Variants in ATP9B observed in about 807,000 individuals in gnomAD.
The protein encoded by ATP9B is probable phospholipid-transporting ATPase IIB.
Under a neutral mutation model 146.1 loss-of-function variants are expected in ATP9B, and 110 were observed. That is an observed-to-expected ratio of 0.75 (90% confidence interval 0.65 to 0.88). ATP9B has a LOEUF of 0.88. ATP9B is among the 40% of genes least tolerant of loss of function. The probability of loss-of-function intolerance (pLI) is 0.00; values close to 1 mark genes in which losing one functional copy is unlikely to be tolerated. For synonymous variants in ATP9B, 604 were observed against 569.7 expected (o/e 1.06, Z -0.86); for missense variants, 1,499 against 1,496.4 (o/e 1.00, Z -0.03).
chr18:79,100,856 CCT>C (rs2075221445), intron 2 of ATP9B, among the ~76,000 whole-genome samples: 1 of 152,110 alleles, frequency 6.6e-6, no homozygotes, highest in African/African-American at 2.4e-5. Flanking sequence ...CAGAAAAACT[CCT>C]GTTTTTAAAA....
rs1381470836 is a variant in ATP9B at position 79,239,271 on chromosome 18, G to A, written c.1108-14110G>A. ...GTGGACCACCGCGTGTGCCCCTTCA[G>A]CCCTCTTATTTCCACCGCTCCACAA... is the stretch of plus-strand genomic sequence containing the variant. On this transcript the variant is annotated intron_variant, in intron 11 of 29. Transcript: ENST00000426216. The surrounding 1 kb of genome is among the most constrained non-coding windows in gnomAD (Gnocchi z 5.1). 6.6e-6 allele frequency among the ~76,000 whole-genome samples: 1 copy of A among 152,218 alleles called. No individual in the cohort carries two copies. Among genetic ancestry groups the A allele is most frequent in the Non-Finnish European group, 1.5e-5 (1 of 68,032 alleles).
In ATP9B at chr18:79,111,164, A is replaced by G. The variant is rs748468411; in HGVS notation, c.444+659A>G. 6.6e-5 allele frequency among the ~76,000 whole-genome samples: 10 copies of G among 152,296 alleles called. No homozygotes were observed. The South Asian group carries it at 2.1e-3, about 32-fold the overall frequency. On this transcript the variant is annotated intron_variant, in intron 3 of 29. Transcript: ENST00000426216. The stretch of plus-strand genomic sequence containing the variant: ...GTTCATATACAATTAGAATAGTTGA[A>G]TAATTTTTGTGTTTTGTATGTCATT...
intron 11 of ATP9B, among the ~76,000 whole-genome samples, chr18:79,244,499 G>T (rs772177374): frequency 9.2e-5 from 14 of 152,036 alleles, no homozygotes. Flanking sequence ...CCTTGTGCTT[G>T]GGAATTTCGG....
intron 10 of ATP9B, among the ~76,000 whole-genome samples, chr18:79,212,354 C>A (rs1568416540): frequency 6.6e-6 from 1 of 152,104 alleles, no homozygotes; most frequent in Non-Finnish European, 1.5e-5. Flanking sequence ...TAACATATGC[C>A]TTGTTATGTA....
At chr18:79,318,218 G>A (rs944537025) in intron 15 of ATP9B, among the ~76,000 whole-genome samples, 1 of 152,232 alleles carries the variant, frequency 6.6e-6, no homozygotes, top group African/African-American at 2.4e-5. Context: ...GGCTACACAC[G>A]ATGACTTCGT....
intron 7 of ATP9B, among the ~76,000 whole-genome samples, chr18:79,166,860 C>T (rs975184684): frequency 5.3e-5 from 8 of 152,102 alleles, no homozygotes; most frequent in East Asian, 1.9e-4. Context: ...CCGGATCCCA[C>T]GCCTGCCGAG....
At chr18:79,325,952 G>A (rs553021448) in intron 15 of ATP9B, among the ~76,000 whole-genome samples, 1 of 140,706 alleles carries the variant, frequency 7.1e-6, no homozygotes, top group African/African-American at 2.8e-5. Flanking sequence ...GTGTTAGGGT[G>A]TCATCTCTGT....
intron 13 of ATP9B, among the ~76,000 whole-genome samples, chr18:79,283,151 T>G (rs959461394): frequency 6.6e-6 from 1 of 152,248 alleles, no homozygotes; most frequent in African/African-American, 2.4e-5. Context: ...ATAATTCTGC[T>G]CTTTTGCTCT....
At position 79,143,801 on chromosome 18, in the gene ATP9B, G is replaced by A; in HGVS notation, c.668-1G>A. 6.4e-7 allele frequency: 1 copy of A among 1,567,308 alleles called. No individual in the cohort carries two copies. Among genetic ancestry groups the A allele is most frequent in the Non-Finnish European group, 8.6e-7 (1 of 1,159,864 alleles). On this transcript the variant is annotated splice_acceptor_variant, in intron 5 of 29. Transcript: ENST00000426216. LOFTEE classifies it high-confidence loss of function. ...TTGACTGTACTTCTTCTTTTTTTAA[G>A]GTAAAGTGCAAGTTAAGAGTTCAGA...
intron 13 of ATP9B, among the ~76,000 whole-genome samples, chr18:79,296,487 T>C (rs1257908403): frequency 6.6e-6 from 1 of 152,232 alleles, no homozygotes; most frequent in African/African-American, 2.4e-5. Context: ...GCAACGTCAA[T>C]AACGAGGTAA....
chr18:79,109,263 A>C (rs632995), intron 2 of ATP9B, among the ~76,000 whole-genome samples: 20,050 of 152,128 alleles, frequency 0.13, 1,918 homozygotes, highest in African/African-American at 0.27. Context: ...AAATTTTAAT[A>C]CTGAAGTTTA....
intron 12 of ATP9B, among the ~76,000 whole-genome samples, chr18:79,265,293 G>A (rs1045619511): frequency 6.6e-6 from 1 of 152,112 alleles, no homozygotes; most frequent in African/African-American, 2.4e-5. Context: ...TGATGTAGAT[G>A]TACCACATTT....
At chr18:79,352,305 G>A (rs902705769) in intron 25 of ATP9B, among the ~76,000 whole-genome samples, 12 of 152,190 alleles carry the variant, frequency 7.9e-5, no homozygotes, top group South Asian at 4.2e-4. Flanking sequence ...ATGACATTCC[G>A]AGAGAGAGCT....
chr18:79,317,099 T>G lies in ATP9B; in HGVS notation c.1773+9865T>G, dbSNP rs2096685016. 2.0e-5 allele frequency among the ~76,000 whole-genome samples: 3 copies of G among 152,116 alleles called. 1 individual carries two copies. The highest frequency in any genetic ancestry group is 4.1e-4 in the South Asian group (2 of 4,824). On this transcript the variant is annotated intron_variant, in intron 15 of 29. Transcript: ENST00000426216. ...AATCTGAGTAGACGAGAAAAGAAAT[T>G]TAGAAAAATCACCCAAAATGGCTTT...
In ATP9B at chr18:79,345,482, G is replaced by A. The variant is rs1205662343; in HGVS notation, c.2527G>A (p.Ala843Thr). Residue 843 changes from alanine (A) to threonine (T), a missense_variant, in exon 22 of 30, where the codon GCC (alanine) becomes ACC (threonine). By Grantham distance (58) the Ala-to-Thr change is moderately conservative (BLOSUM62 0). Transcript: ENST00000426216. ...EFVELACQCP[A>T]VVCCRCSPTQ... The stretch of plus-strand genomic sequence containing the variant: ...TGTGGAGCTGGCCTGCCAGTGCCCT[G>A]CCGTGGTTTGCTGCCGCTGCTCACC... 1.9e-6 allele frequency: 3 copies of A among 1,613,806 alleles called. No homozygotes were observed. The African/African-American group carries it at 4.0e-5, about 22-fold the overall frequency.
chr18:79,202,281 A>C (rs1432307770), intron 9 of ATP9B, among the ~76,000 whole-genome samples: 1 of 152,222 alleles, frequency 6.6e-6, no homozygotes, highest in Non-Finnish European at 1.5e-5. Context: ...TTATTGTTCA[A>C]AATCTGTATG....
chr18:79,087,271 A>G (rs1313379745), intron 1 of ATP9B: 1 of 152,252 alleles, frequency 6.6e-6, no homozygotes. Flanking sequence ...ATTAGGCACT[A>G]TCTTCTAAGA....
chr18:79,339,287 C>CACAGTAGGAAGTGTGTCATGATT (rs71161769), intron 19 of ATP9B, among the ~76,000 whole-genome samples: 1 of 149,610 alleles, frequency 6.7e-6, no homozygotes, highest in Non-Finnish European at 1.5e-5. Context: ...GTGTCATGAT[C>CACAGTAGGAAGTGTGTCATGATT]GTAGTAGGAA....
chr18:79,272,320 G>A (rs1197528248), intron 12 of ATP9B, among the ~76,000 whole-genome samples: 2 of 152,152 alleles, frequency 1.3e-5, no homozygotes, highest in Non-Finnish European at 2.9e-5. Context: ...TTGTTCCAGC[G>A]GCACAGCATG....
Sources: gnomAD v4.1 joint callset for allele counts (sites outside exome capture counted in the v4.1 genomes callset) on GRCh38, gnomAD v4.1.1 for gene constraint, Gnocchi (gnomAD v3.1) non-coding constraint, MANE v1.5 for transcripts, NCBI Gene and HGNC (gene_info 2026-07-23, HGNC 2026-07-21) for gene names.